ANKFN1: variants seen among roughly 807,000 people sequenced by gnomAD.
ANKFN1 encodes ankyrin repeat and fibronectin type-III domain-containing protein 1.
ANKFN1 carries 74 observed loss-of-function variants against 108.7 expected under a neutral mutation model. The observed-to-expected ratio is 0.68, with a 90% CI of 0.56 to 0.83. The LOEUF is 0.83. Ranked by LOEUF, ANKFN1 falls within the 40% of genes least tolerant of loss-of-function variation. The pLI, the probability that ANKFN1 is intolerant of heterozygous loss-of-function variation, is 0.00. For synonymous variants in ANKFN1, 547 were observed against 516.2 expected, an observed-to-expected ratio of 1.06 and a Z score of -0.81; for missense variants, 1,505 against 1,382.3, an observed-to-expected ratio of 1.09 and a Z score of -1.41.
At chr17:56,200,806 T>G (rs1218725678) in intron 1 of ANKFN1, among the ~76,000 whole-genome samples, 1 of 152,244 alleles carries the variant, frequency 6.6e-6, no homozygotes, top group East Asian at 1.9e-4. Context: ...TCTTGATTCC[T>G]CTTTGATGAA....
At chr17:56,160,714 A>T (rs1162574594) in intron 1 of ANKFN1, among the ~76,000 whole-genome samples, 1 of 152,238 alleles carries the variant, frequency 6.6e-6, no homozygotes, top group African/African-American at 2.4e-5. Flanking sequence ...AATGGTAAGT[A>T]TGAAATCCCA....
chr17:56,373,630 A>G (rs2046870048), intron 7 of ANKFN1, among the ~76,000 whole-genome samples: 1 of 152,240 alleles, frequency 6.6e-6, no homozygotes, highest in Non-Finnish European at 1.5e-5. Context: ...GACAAAGACC[A>G]AAGACAGTGA....
intron 15 of ANKFN1, among the ~76,000 whole-genome samples, chr17:56,467,819 A>AAAG (rs1193576293): frequency 2.2e-5 from 1 of 45,478 alleles, no homozygotes; most frequent in African/African-American, 1.3e-4. Context: ...AGAAAGAAAG[A>AAAG]AAGAAAGAAA....
At chr17:56,391,899 G>A (rs987951456) in intron 8 of ANKFN1, among the ~76,000 whole-genome samples, 2 of 152,052 alleles carry the variant, frequency 1.3e-5, no homozygotes, top group African/African-American at 4.8e-5. Context: ...ATATAAAATA[G>A]GTACTCAGTT....
chr17:56,084,336 C>T (rs1251195948), intron 4 of ANKFN1, among the ~76,000 whole-genome samples: 1 of 92,344 alleles, frequency 1.1e-5, no homozygotes, highest in South Asian at 3.2e-4. Flanking sequence ...GGATAACTTC[C>T]TTCTTCCCTT....
intron 6 of ANKFN1, among the ~76,000 whole-genome samples, chr17:56,359,102 G>C (rs1307098454): frequency 1.3e-5 from 2 of 152,180 alleles, no homozygotes; most frequent in Non-Finnish European, 2.9e-5. Flanking sequence ...CCAGTACCTA[G>C]TACATAGTAG....
chr17:56,129,758 C>T (rs889290197), intron 4 of ANKFN1, among the ~76,000 whole-genome samples: 2 of 152,122 alleles, frequency 1.3e-5, no homozygotes, highest in African/African-American at 4.8e-5. Context: ...ATTAAGCAGC[C>T]TGTTTGGGTA....
At chr17:56,254,037 G>C (rs2043297734) in intron 3 of ANKFN1, 1 of 152,170 alleles carries the variant, frequency 6.6e-6, no homozygotes, top group African/African-American at 2.4e-5. Context: ...CAAGAATTTG[G>C]GGAACAAATA....
intron 1 of ANKFN1, among the ~76,000 whole-genome samples, chr17:56,188,984 C>T (rs1912576759): frequency 6.6e-6 from 1 of 151,806 alleles, no homozygotes; most frequent in Non-Finnish European, 1.5e-5. Flanking sequence ...TGTAAATATC[C>T]CTGAACTACA....
At chr17:56,176,636 A>G (rs1233520831) in intron 1 of ANKFN1, among the ~76,000 whole-genome samples, 2 of 152,160 alleles carry the variant, frequency 1.3e-5, no homozygotes, top group Non-Finnish European at 2.9e-5. Context: ...GAGAAAGAGA[A>G]TTTGGCCCAA....
intron 3 of ANKFN1, among the ~76,000 whole-genome samples, chr17:56,291,333 A>G (rs2044358075): frequency 6.7e-6 from 1 of 149,360 alleles, no homozygotes; most frequent in African/African-American, 2.6e-5. Flanking sequence ...GAGTGGATTC[A>G]CTCTTAGAAG....
At chr17:56,400,720 G>A (rs139029444) in intron 8 of ANKFN1, among the ~76,000 whole-genome samples, 3,193 of 152,144 alleles carry the variant, frequency 0.021, 112 homozygotes, top group African/African-American at 0.071. Context: ...ATAGTTTTAG[G>A]TCTTAGGTTT....
At chr17:56,106,556 C>T (rs1008969642) in intron 4 of ANKFN1, among the ~76,000 whole-genome samples, 2 of 152,182 alleles carry the variant, frequency 1.3e-5, no homozygotes, top group African/African-American at 2.4e-5. Flanking sequence ...TCTGTGGGTT[C>T]ATTTTCTCTT....
intron 8 of ANKFN1, among the ~76,000 whole-genome samples, chr17:56,394,016 C>T (rs547900262): frequency 7.9e-5 from 12 of 152,230 alleles, no homozygotes; most frequent in Admixed American, 4.6e-4. Context: ...TAAACACAGT[C>T]CCCTTGTTTA....
chr17:56,064,241 A>T (rs1024979633), intron 4 of ANKFN1, among the ~76,000 whole-genome samples: 1 of 152,184 alleles, frequency 6.6e-6, no homozygotes, highest in African/African-American at 2.4e-5. Flanking sequence ...CCACTTAATG[A>T]AGCACTTTGT....
intron 4 of ANKFN1, among the ~76,000 whole-genome samples, chr17:56,339,130 G>C (rs771987350): frequency 3.3e-5 from 5 of 151,776 alleles, no homozygotes; most frequent in Admixed American, 6.6e-5. Flanking sequence ...TTATTTCTAA[G>C]TATTTTAATC....
At chr17:56,167,193 C>T in intron 1 of ANKFN1, among the ~76,000 whole-genome samples, 1 of 149,008 alleles carries the variant, frequency 6.7e-6, no homozygotes, top group East Asian at 2.0e-4. Flanking sequence ...ATCATGTATA[C>T]ATATATGTTA....
At chr17:56,448,345 G>T (rs2049363598) in intron 10 of ANKFN1, among the ~76,000 whole-genome samples, 1 of 152,066 alleles carries the variant, frequency 6.6e-6, no homozygotes, top group South Asian at 2.1e-4. Context: ...GTCCCATATG[G>T]GTTATTACTC....
chr17:56,482,389 T>C lies in ANKFN1; in HGVS notation c.2125T>C (p.Leu709=), dbSNP rs138205241. 8.2e-5 allele frequency: 133 copies of C among 1,612,198 alleles called. No individual in the cohort carries two copies. The African/African-American group carries it at 1.6e-3, about 19-fold the overall frequency. Residue 709 remains leucine, a synonymous_variant, in exon 18 of 21, where the codon TTG becomes CTG. Coordinates refer to ENST00000682825, the MANE Select transcript of ANKFN1 (RefSeq NM_001370326.1). ...RNFRLYTQEV[L]EMGHNVSFLL... is the part of the protein sequence containing the mutation. The stretch of plus-strand genomic sequence containing the variant: ...CTTCCGCCTCTACACACAGGAGGTG[T>C]TGGAAATGGGTCACAATGTGTCCTT...
Sources: gnomAD v4.1 joint callset for allele counts (sites outside exome capture counted in the v4.1 genomes callset) on GRCh38, gnomAD v4.1.1 for gene constraint, MANE v1.5 for transcripts, NCBI Gene and HGNC (gene_info 2026-07-23, HGNC 2026-07-21) for gene names.